Variants in DLD observed in about 807,000 individuals in gnomAD.
DLD encodes the protein dihydrolipoamide dehydrogenase.
A neutral mutation model predicts 62.2 loss-of-function variants in DLD; 36 were observed. The observed-to-expected ratio is 0.58, with a 90% CI of 0.44 to 0.76. The LOEUF (loss-of-function observed/expected upper bound fraction) is 0.76. Ranked by LOEUF, DLD falls within the 30% of genes least tolerant of loss-of-function variation. DLD has a pLI of 0.00. For missense variants in DLD, 541 were observed against 608.6 expected (o/e 0.89, Z 1.17); for synonymous variants, 204 against 199.6 (o/e 1.02, Z -0.19).
chr7:107,901,827 G>C lies in DLD; in HGVS notation c.198+10G>C, dbSNP rs777566045. On this transcript the variant is annotated intron_variant, in intron 3 of 13. Transcript: ENST00000205402. Reference sequence around the variant, plus strand: ...CCAGTTAGGCTTCAAGGTAAGGTTTGAACTCAAACTAAGTATTGATTTATT... The same window carrying C: ...CCAGTTAGGCTTCAAGGTAAGGTTTCAACTCAAACTAAGTATTGATTTATT... 6.2e-7 allele frequency: 1 copy of C among 1,606,450 alleles called. No homozygotes were observed. Among genetic ancestry groups the C allele is most frequent in the Non-Finnish European group, 8.5e-7 (1 of 1,173,274 alleles).
chr7:107,916,683 A>G, intron 9 of DLD, 111 bp from the exon 10 acceptor site: 4 of 1,225,474 alleles, frequency 3.3e-6, no homozygotes. Context: ...AAACAAAACA[A>G]AACAAAAATG....
chr7:107,900,116 T>C (rs1241628506), intron 2 of DLD, among the ~76,000 whole-genome samples: 1 of 152,174 alleles, frequency 6.6e-6, no homozygotes, highest in Non-Finnish European at 1.5e-5. Flanking sequence ...ACATATTTTT[T>C]CATGTATTAT....
At chr7:107,917,203 C>T in intron 10 of DLD, 70 bp from the exon 11 acceptor site, 1 of 1,570,602 alleles carries the variant, frequency 6.4e-7, no homozygotes, top group Non-Finnish European at 8.7e-7. Context: ...CTTTTGTTAC[C>T]ATAATGTAAC....
chr7:107,916,989 T>C lies in DLD; in HGVS notation c.1046+25T>C, dbSNP rs751050129. On this transcript the variant is annotated intron_variant, in intron 10 of 13. Coordinates refer to ENST00000205402, the MANE Select transcript of DLD (RefSeq NM_000108.5). The stretch of plus-strand genomic sequence containing the variant: ...AGTAAGTTGGATAATTGTCTGCATT[T>C]TCAGTAATTTTAAAATTGATTTCAA... 5 of 1,608,630 alleles carry C rather than the reference T, an allele frequency of 3.1e-6. No individual in the cohort carries two copies. The East Asian group carries it at 1.1e-4, about 36-fold the overall frequency.
chr7:107,915,520 A>G lies in DLD; in HGVS notation c.699A>G (p.Gln233=), dbSNP rs1418720698. 7 of 1,613,898 alleles carry G rather than the reference A, an allele frequency of 4.3e-6. No individual in the cohort carries two copies. The Admixed American group carries it at 1.0e-4, about 23-fold the overall frequency. The change falls in exon 9 of 14, where the codon CAA becomes CAG. Residue 233 remains glutamine (Q), a synonymous_variant. Transcript: ENST00000205402. ...VIGVELGSVW[Q]RLGADVTAVE... ...TTTATTTGCAGGGTTCAGTTTGGCA[A>G]AGACTTGGTGCAGATGTGACAGCAG...
At chr7:107,909,503 A>G (rs1265041167) in intron 8 of DLD, among the ~76,000 whole-genome samples, 2 of 152,160 alleles carry the variant, frequency 1.3e-5, no homozygotes, top group African/African-American at 4.8e-5. Flanking sequence ...TCTCCATCTC[A>G]TCTACAAGGA....
chr7:107,912,179 GC>G (rs543396896), intron 8 of DLD, among the ~76,000 whole-genome samples: 189 of 151,970 alleles, frequency 1.2e-3, no homozygotes, highest in African/African-American at 4.5e-3. Flanking sequence ...CTTTTTTATG[GC>G]TGAATAATAT....
chr7:107,910,520 A>T (rs1007054933), intron 8 of DLD, among the ~76,000 whole-genome samples: 2 of 152,094 alleles, frequency 1.3e-5, no homozygotes, highest in East Asian at 3.9e-4. Context: ...CTGTATTTTC[A>T]TTTTTTATAT....
chr7:107,900,459 G>A (rs975489104), intron 2 of DLD, among the ~76,000 whole-genome samples: 5 of 152,026 alleles, frequency 3.3e-5, no homozygotes, highest in Admixed American at 1.3e-4. Flanking sequence ...CTATGAAGTA[G>A]GTTTTTTTTG....
At chr7:107,915,817 A>T in intron 9 of DLD, 121 bp downstream of exon 9, 1 of 796,878 alleles carries the variant, frequency 1.3e-6, no homozygotes, top group South Asian at 1.6e-5. Context: ...TTTATTACTT[A>T]ATATAACTCA....
intron 8 of DLD, 81 bp downstream of exon 8, chr7:107,906,449 A>G: frequency 1.2e-6 from 1 of 859,386 alleles, no homozygotes; most frequent in Non-Finnish European, 2.0e-6. Flanking sequence ...TTTTTGTATA[A>G]CATTACAGGC....
Position 107,917,465 on chromosome 7 carries a change from A to G in DLD, c.1236+3A>G. 3 of 1,614,086 alleles carry G rather than the reference A, an allele frequency of 1.9e-6. No homozygotes were observed. Among genetic ancestry groups the G allele is most frequent in the Non-Finnish European group, 2.5e-6 (3 of 1,179,950 alleles). On this transcript the variant is annotated splice_donor_region_variant and intron_variant, in intron 11 of 13. Coordinates refer to ENST00000205402, the MANE Select transcript of DLD (RefSeq NM_000108.5). ...CAGAAGAGCAGTTGAAAGAAGAGGT[A>G]AGTCTGAACATGGGTGGTTTTAAGC... is the stretch of plus-strand genomic sequence containing the variant.
rs1291757637 is a variant in DLD, at chr7:107,905,445, G to T, written c.523G>T (p.Asp175Tyr). 2 of 1,613,774 alleles carry T rather than the reference G, an allele frequency of 1.2e-6. No individual in the cohort carries two copies. The highest frequency in any genetic ancestry group is 1.1e-5 in the South Asian group (1 of 91,068). The change falls in exon 7 of 14, where the codon GAT (aspartate) becomes TAT (tyrosine). Residue 175 changes from aspartate to tyrosine, a missense_variant. Coordinates refer to ENST00000205402, the MANE Select transcript of DLD (RefSeq NM_000108.5). ...TKADGGTQVI[D>Y]TKNILIATGS... ...AGCTGATGGCGGCACTCAGGTTATTGATACAAAGAACATTCTTATAGCCAC... is the reference window on the plus strand; with the variant it reads ...AGCTGATGGCGGCACTCAGGTTATTTATACAAAGAACATTCTTATAGCCAC...
rs1216084452 is a variant in DLD at position 107,920,429 on chromosome 7, C to T, written c.*1170C>T. On this transcript the variant is annotated 3_prime_UTR_variant, in exon 14 of 14. Coordinates refer to ENST00000205402, the MANE Select transcript of DLD (RefSeq NM_000108.5). ...ATGAGTGACATAATGACCCTGGATT[C>T]TGTTACATACTTCTAAAGAAAATTG... 6 of 152,196 alleles carry T rather than the reference C, an allele frequency of 3.9e-5. No homozygotes were observed. The highest frequency in any genetic ancestry group is 1.4e-4 in the African/African-American group (6 of 41,456). 9.4% of individuals were successfully genotyped at this position (152,196 alleles called of 1,614,324 possible).
chr7:107,919,445 A>G lies in DLD; in HGVS notation c.*186A>G. 1 of 531,028 alleles carries G rather than the reference A, an allele frequency of 1.9e-6. No homozygotes were observed. Among genetic ancestry groups the G allele is most frequent in the East Asian group, 3.3e-5 (1 of 30,108 alleles). The allele number at this position is 531,028 out of a possible 1,614,324, so 32.9% of individuals were successfully genotyped here. ...TATCTATATTTTACATAAATTTAGT[A>G]TTTTGTTTCAGTGCACTAATGTGTA... On this transcript the variant is annotated 3_prime_UTR_variant, in exon 14 of 14. Coordinates refer to ENST00000205402, the MANE Select transcript of DLD (RefSeq NM_000108.5).
At chr7:107,895,715 G>T (rs2031704025) in intron 2 of DLD, among the ~76,000 whole-genome samples, 1 of 152,168 alleles carries the variant, frequency 6.6e-6, no homozygotes, top group Non-Finnish European at 1.5e-5. Flanking sequence ...AGGGAGTAAT[G>T]ACATCTATAT....
At chr7:107,917,588 A>G (rs1488880760) in intron 11 of DLD, 126 bp downstream of exon 11, 2 of 1,025,790 alleles carry the variant, frequency 1.9e-6, no homozygotes, top group African/African-American at 1.6e-5. Flanking sequence ...TTTAGCTTAT[A>G]TATTTTTCCC....
chr7:107,892,568 C>T (rs929084608), intron 1 of DLD, among the ~76,000 whole-genome samples: 3 of 122,142 alleles, frequency 2.5e-5, no homozygotes, highest in Non-Finnish European at 4.9e-5. Context: ...TATTTTGAGA[C>T]GGAGTCTCAC....
chr7:107,916,816 A>G lies in DLD; in HGVS notation c.898A>G (p.Lys300Glu). Residue 300 changes from lysine to glutamate, a missense_variant, in exon 10 of 14, where the codon AAA (lysine) becomes GAA (glutamate). Coordinates refer to ENST00000205402, the MANE Select transcript of DLD (RefSeq NM_000108.5). ...DVSIEAASGG[K>E]AEVITCDVLL... ...TAGTATTGAAGCTGCTTCTGGTGGT[A>G]AAGCTGAAGTTATCACTTGTGATGT... 6.2e-7 allele frequency: 1 copy of G among 1,613,368 alleles called. No homozygotes were observed. The highest frequency in any genetic ancestry group is 1.3e-5 in the African/African-American group (1 of 74,730).
Sources: allele counts gnomAD v4.1 joint callset (sites outside exome capture counted in the v4.1 genomes callset), GRCh38; gene constraint gnomAD v4.1.1; transcripts MANE v1.5; gene names NCBI Gene and HGNC (gene_info 2026-07-23, HGNC 2026-07-21).